The following FAM13A variants were observed in gnomAD, a reference collection of about 807,000 sequenced individuals.
FAM13A encodes family with sequence similarity 13 member A, also known as protein FAM13A.
A neutral mutation model predicts 129.6 loss-of-function variants in FAM13A; 76 were observed. The ratio of observed to expected loss-of-function variants is 0.59; its 90% confidence interval spans 0.49 to 0.71. The LOEUF (loss-of-function observed/expected upper bound fraction) is 0.71. Among genes scored for constraint, FAM13A ranks in the 30% least tolerant of loss-of-function variants. FAM13A has a pLI of 0.00. For synonymous variants in FAM13A, 443 were observed against 449.9 expected (o/e 0.98, Z 0.20); for missense variants, 1,108 against 1,249.3 (o/e 0.89, Z 1.70).
intron 19 of FAM13A, among the ~76,000 whole-genome samples, chr4:88,740,387 TAGTAAC>T (rs1739981820): frequency 6.6e-6 from 1 of 152,356 alleles, no homozygotes; most frequent in South Asian, 2.1e-4. Context: ...TTTGTATCCC[TAGTAAC>T]TATTTCAGTG....
At chr4:88,987,275 C>A (rs767847413) in intron 4 of FAM13A, among the ~76,000 whole-genome samples, 2 of 151,784 alleles carry the variant, frequency 1.3e-5, no homozygotes, top group Non-Finnish European at 2.9e-5. Context: ...TTCTACAACC[C>A]AAAAAGAAAA....
chr4:89,038,967 C>T (rs1460882207), intron 1 of FAM13A, among the ~76,000 whole-genome samples: 1 of 152,112 alleles, frequency 6.6e-6, no homozygotes, highest in Non-Finnish European at 1.5e-5. Flanking sequence ...TAACTTGTTA[C>T]CCAAAAGATA....
intron 2 of FAM13A, among the ~76,000 whole-genome samples, chr4:89,021,368 C>G (rs1767232359): frequency 1.3e-5 from 2 of 152,216 alleles, no homozygotes; most frequent in Non-Finnish European, 2.9e-5. Context: ...TTTACAAGCT[C>G]TGTCCCTAAT....
intron 8 of FAM13A, among the ~76,000 whole-genome samples, chr4:88,795,954 G>T (rs1355750229): frequency 6.6e-6 from 1 of 151,598 alleles, no homozygotes; most frequent in African/African-American, 2.4e-5. Flanking sequence ...AGCTTATCAA[G>T]AATTTTCTAT....
rs1158179811 is a variant in FAM13A, at chr4:88,987,838, C to CA, written c.605+3134dup. 1.7e-3 allele frequency among the ~76,000 whole-genome samples: 121 copies of CA among 71,164 alleles called. 6 individuals carry two copies. The highest frequency in any genetic ancestry group is 2.9e-3 in the East Asian group (6 of 2,078). 46.7% of individuals were successfully genotyped at this position (71,164 alleles called of 152,430 possible). A position where few individuals can be genotyped will look rare whatever the true frequency, so the allele number is the denominator to read the frequency against. On this transcript the variant is annotated intron_variant, in intron 4 of 23. Coordinates refer to ENST00000264344, the MANE Select transcript of FAM13A (RefSeq NM_014883.4). ...GCCTGGGTGACAGTGAGACTCCTCT[C>CA]AAAAAAAAAAAAAAAAACTTAATCT...
intron 4 of FAM13A, among the ~76,000 whole-genome samples, chr4:88,979,013 ATCAG>A (rs1481011744): frequency 2.6e-5 from 4 of 152,332 alleles, no homozygotes; most frequent in Non-Finnish European, 4.4e-5. Flanking sequence ...ACTCCTACAA[ATCAG>A]TCATAAAAAA....
chr4:88,814,837 T>C (rs1730392130), intron 7 of FAM13A, among the ~76,000 whole-genome samples: 4 of 152,162 alleles, frequency 2.6e-5, no homozygotes, highest in Admixed American at 1.3e-4. Flanking sequence ...GTTCAAGTTT[T>C]CTGAAGTCTT....
intron 7 of FAM13A, among the ~76,000 whole-genome samples, chr4:88,806,303 G>A (rs1728546671): frequency 6.6e-6 from 1 of 151,946 alleles, no homozygotes; most frequent in East Asian, 1.9e-4. Flanking sequence ...TATCACCTGG[G>A]GTGTACACCA....
chr4:88,746,789 T>C (rs1250266665), intron 19 of FAM13A, 143 bp downstream of exon 19: 9 of 615,622 alleles, frequency 1.5e-5, no homozygotes, highest in East Asian at 1.4e-4. Context: ...TTAGTTATGG[T>C]GTAAATATAT....
intron 2 of FAM13A, among the ~76,000 whole-genome samples, chr4:89,022,460 T>C (rs1205314033): frequency 6.6e-6 from 1 of 152,142 alleles, no homozygotes; most frequent in Non-Finnish European, 1.5e-5. Flanking sequence ...TTAGCTCCAA[T>C]TCTGAAAAAA....
rs1032278831 is a variant in FAM13A, at chr4:88,923,468, A to C, written c.759+14620T>G. Among the ~76,000 whole-genome samples, 3 of 152,264 alleles carry C rather than the reference A, an allele frequency of 2.0e-5. No homozygotes were observed. In the East Asian group the frequency reaches 5.8e-4, roughly 29 times the overall value. On this transcript the variant is annotated intron_variant, in intron 5 of 23. Coordinates refer to ENST00000264344, the MANE Select transcript of FAM13A (RefSeq NM_014883.4). ...GACAAAAACCACATGATTATCTCGA[A>C]AGATGCAGAAAAGGCCTTTGACAAA...
rs1238232911 is a variant in FAM13A, at chr4:88,937,860, C to CTTTA, written c.759+224_759+227dup. 1.8e-4 allele frequency: 103 copies of CTTTA among 565,128 alleles called. 1 individual carries two copies. In the East Asian group the frequency reaches 2.9e-3, roughly 16 times the overall value. The allele number at this position is 565,128 out of a possible 1,614,324, so 35.0% of individuals were successfully genotyped here. ...GCTCATGCAAGTGTTTTTGAGATGA[C>CTTTA]TTTATAGCAACAAGAAAACATAAAA... On this transcript the variant is annotated intron_variant, in intron 5 of 23. Transcript: ENST00000264344.
chr4:88,827,931 T>C (rs1182166853), intron 7 of FAM13A, among the ~76,000 whole-genome samples: 1 of 152,126 alleles, frequency 6.6e-6, no homozygotes, highest in Non-Finnish European at 1.5e-5. Context: ...TAACCCCAAT[T>C]TGCCTCTCCA....
At chr4:88,806,669 G>A (rs1455362673) in intron 7 of FAM13A, among the ~76,000 whole-genome samples, 1 of 152,134 alleles carries the variant, frequency 6.6e-6, no homozygotes, top group Non-Finnish European at 1.5e-5. Flanking sequence ...AACTAATGGT[G>A]TTAACTCTTC....
intron 6 of FAM13A, among the ~76,000 whole-genome samples, chr4:88,857,991 T>C (rs541828610): frequency 6.6e-6 from 1 of 152,364 alleles, no homozygotes; most frequent in South Asian, 2.1e-4. Context: ...TAAACATTGC[T>C]CTTATTTTAG....
At chr4:88,830,342 T>A (rs1210097529) in intron 7 of FAM13A, among the ~76,000 whole-genome samples, 1 of 152,176 alleles carries the variant, frequency 6.6e-6, no homozygotes, top group African/African-American at 2.4e-5. Flanking sequence ...CAAAACCATA[T>A]AAAAAGCTTG....
chr4:88,736,546 G>A (rs574308669), intron 21 of FAM13A: 3 of 152,096 alleles, frequency 2.0e-5, no homozygotes, highest in East Asian at 1.9e-4. Context: ...TCTTGCTTTG[G>A]AGTTAAATGA....
rs182031107 is a variant in FAM13A, at chr4:89,004,935, C to T, written c.428-13785G>A. Among the ~76,000 whole-genome samples the T allele has an allele frequency of 4.8e-3, 723 of 151,594 alleles. 6 individuals carry two copies. Among genetic ancestry groups the T allele is most frequent in the African/African-American group, 0.016 (680 of 41,310 alleles). ...TTTTTTTTAACTTTTATTTTAGGTT[C>T]GGGGGTACATGTGAAGGTTTGTTAC... On this transcript the variant is annotated intron_variant, in intron 3 of 23. Coordinates refer to ENST00000264344, the MANE Select transcript of FAM13A (RefSeq NM_014883.4).
chr4:88,853,286 G>A (rs1269781465), intron 6 of FAM13A, among the ~76,000 whole-genome samples: 1 of 151,912 alleles, frequency 6.6e-6, no homozygotes, highest in African/African-American at 2.4e-5. Flanking sequence ...ATACACTGTG[G>A]AACAGTTAAA....
Sources: allele counts gnomAD v4.1 joint callset (sites outside exome capture counted in the v4.1 genomes callset), GRCh38; gene constraint gnomAD v4.1.1; transcripts MANE v1.5; gene names NCBI Gene and HGNC (gene_info 2026-07-23, HGNC 2026-07-21).